The following SND1 variants were observed in gnomAD, a reference collection of about 807,000 sequenced individuals.
SND1 encodes staphylococcal nuclease and tudor domain containing 1.
SND1 carries 38 observed loss-of-function variants against 121.7 expected under a neutral mutation model. The observed-to-expected ratio is 0.31, with a 90% CI of 0.24 to 0.41. SND1 has a LOEUF of 0.41. SND1 is among the 10% of genes least tolerant of loss of function. The pLI is 1.00. For synonymous variants in SND1, 401 were observed against 447.4 expected (o/e 0.90, Z 1.31); for missense variants, 868 against 1,184.6 (o/e 0.73, Z 3.92).
At chr7:127,988,142 A>G (rs1772958342) in intron 15 of SND1, among the ~76,000 whole-genome samples, 1 of 152,212 alleles carries the variant, frequency 6.6e-6, no homozygotes, top group Admixed American at 6.5e-5. Context: ...AAGAATAAAA[A>G]GTTTGAAAAA....
rs544863189 is a variant in SND1, at chr7:128,015,372, C to T, written c.1779+24316C>T. The stretch of plus-strand genomic sequence containing the variant: ...TTAAGTTCATATTTTGCAGAAAACA[C>T]TTTCCAGCCTTCATCAGCGCTAATC... On this transcript the variant is annotated intron_variant, in intron 16 of 23. Transcript: ENST00000354725. The surrounding 1 kb of genome is among the most constrained non-coding windows in gnomAD (Gnocchi z 4.5). 1.3e-5 allele frequency among the ~76,000 whole-genome samples: 2 copies of T among 152,224 alleles called. No homozygotes were observed. Among genetic ancestry groups the T allele is most frequent in the African/African-American group, 4.8e-5 (2 of 41,454 alleles).
intron 10 of SND1, among the ~76,000 whole-genome samples, chr7:127,754,858 A>G (rs755816937): frequency 2.6e-5 from 4 of 152,242 alleles, no homozygotes; most frequent in Non-Finnish European, 4.4e-5. Context: ...CAAATATTTC[A>G]GTGGTCTGAT....
At chr7:127,831,174 GA>G (rs1242192733) in intron 11 of SND1, among the ~76,000 whole-genome samples, 1 of 152,232 alleles carries the variant, frequency 6.6e-6, no homozygotes, top group Non-Finnish European at 1.5e-5. Flanking sequence ...CTACTCTGCT[GA>G]TGAGAAACAG....
intron 11 of SND1, among the ~76,000 whole-genome samples, chr7:127,842,391 T>C (rs1197959503): frequency 6.6e-6 from 1 of 152,204 alleles, no homozygotes; most frequent in African/African-American, 2.4e-5. Context: ...TCTTCAAAGT[T>C]TTCATAATAA....
intron 9 of SND1, among the ~76,000 whole-genome samples, chr7:127,711,178 G>A (rs1418905739): frequency 6.6e-6 from 1 of 152,130 alleles, no homozygotes; most frequent in Non-Finnish European, 1.5e-5. Context: ...CCATTGTCCT[G>A]AGGGATTTCT....
chr7:127,913,170 T>G (rs1283382441), intron 14 of SND1, among the ~76,000 whole-genome samples: 1 of 152,218 alleles, frequency 6.6e-6, no homozygotes, highest in Non-Finnish European at 1.5e-5. Flanking sequence ...AGACAGGGCT[T>G]CTTTATTTGT....
intron 10 of SND1, among the ~76,000 whole-genome samples, chr7:127,746,666 G>T (rs924420558): frequency 1.3e-5 from 2 of 152,064 alleles, no homozygotes; most frequent in Non-Finnish European, 2.9e-5. Flanking sequence ...TTATGTGGGC[G>T]GCCTTTTCTT....
intron 14 of SND1, among the ~76,000 whole-genome samples, chr7:127,918,163 C>A (rs1800626690): frequency 6.6e-6 from 1 of 150,864 alleles, no homozygotes; most frequent in South Asian, 2.1e-4. Context: ...CCCACAAGTT[C>A]AAGTGATTCT....
At chr7:127,963,388 A>G (rs1392898995) in intron 15 of SND1, among the ~76,000 whole-genome samples, 1 of 140,074 alleles carries the variant, frequency 7.1e-6, no homozygotes, top group African/African-American at 2.7e-5. Context: ...ATATCTCCCA[A>G]TGCTATCCCT....
chr7:127,747,290 A>G (rs1796999064), intron 10 of SND1, among the ~76,000 whole-genome samples: 1 of 152,238 alleles, frequency 6.6e-6, no homozygotes, highest in Non-Finnish European at 1.5e-5. Flanking sequence ...GTTTGGATAT[A>G]AATAGCACAT....
chr7:127,769,853 C>T (rs1016189657), intron 10 of SND1, among the ~76,000 whole-genome samples: 2 of 152,152 alleles, frequency 1.3e-5, no homozygotes, highest in African/African-American at 4.8e-5. Context: ...GTGTGCATTG[C>T]TTAATCCTCT....
chr7:127,824,430 A>G (rs1291985855), intron 11 of SND1, among the ~76,000 whole-genome samples: 1 of 152,206 alleles, frequency 6.6e-6, no homozygotes, highest in East Asian at 1.9e-4. Flanking sequence ...TGGAGACATA[A>G]CAAGTGTTCA....
chr7:127,974,822 C>T (rs1231514503), intron 15 of SND1, among the ~76,000 whole-genome samples: 1 of 152,220 alleles, frequency 6.6e-6, no homozygotes, highest in Non-Finnish European at 1.5e-5. Context: ...TTGCTGACAG[C>T]TGTCCTCTTT....
In SND1 at chr7:127,958,405, C is replaced by T. The variant is rs554451665; in HGVS notation, c.1669+29076C>T. On this transcript the variant is annotated intron_variant, in intron 15 of 23. Transcript: ENST00000354725. The stretch of plus-strand genomic sequence containing the variant: ...GAAACTTTGTCCAGTCGTCTGTGTC[C>T]GTATCAACTCTGGAACTATTCAGGG... Among the ~76,000 whole-genome samples, 23 of 152,266 alleles carry T rather than the reference C, an allele frequency of 1.5e-4. No homozygotes were observed. In the South Asian group the frequency reaches 3.5e-3, roughly 23 times the overall value.
chr7:127,832,919 G>A (rs1798789013), intron 11 of SND1, among the ~76,000 whole-genome samples: 1 of 152,186 alleles, frequency 6.6e-6, no homozygotes, highest in Non-Finnish European at 1.5e-5. Flanking sequence ...TAGGTCTCAT[G>A]CTCTTTATGA....
At chr7:127,822,611 T>G (rs568662773) in intron 11 of SND1, among the ~76,000 whole-genome samples, 2 of 152,308 alleles carry the variant, frequency 1.3e-5, no homozygotes, top group East Asian at 3.8e-4. Flanking sequence ...AAAGAGAAGA[T>G]AAAGGGAAAA....
intron 10 of SND1, among the ~76,000 whole-genome samples, chr7:127,722,506 G>A (rs747560970): frequency 2.6e-5 from 4 of 151,332 alleles, no homozygotes; most frequent in African/African-American, 4.9e-5. Context: ...TTTTATTTAT[G>A]CCTTTATACA....
intron 16 of SND1, chr7:128,028,697 T>C: frequency 6.2e-7 from 1 of 1,613,040 alleles, no homozygotes; most frequent in Admixed American, 1.7e-5. Flanking sequence ...GAGTTTCCTG[T>C]ACCTTGTCCT....
At chr7:127,934,233 G>T (rs1034962328) in intron 15 of SND1, among the ~76,000 whole-genome samples, 1 of 152,192 alleles carries the variant, frequency 6.6e-6, no homozygotes, top group African/African-American at 2.4e-5. Flanking sequence ...GTGCAGAGTT[G>T]TAGAGGTATG....
Sources: gnomAD v4.1 joint callset for allele counts (sites outside exome capture counted in the v4.1 genomes callset) on GRCh38, gnomAD v4.1.1 for gene constraint, Gnocchi (gnomAD v3.1) non-coding constraint, MANE v1.5 for transcripts, NCBI Gene and HGNC (gene_info 2026-07-23, HGNC 2026-07-21) for gene names.